PHACTR3: variants seen among roughly 807,000 people sequenced by gnomAD.
PHACTR3 encodes phosphatase and actin regulator 3.
Under a neutral mutation model 66.8 loss-of-function variants are expected in PHACTR3, and 16 were observed. The ratio of observed to expected loss-of-function variants is 0.24; its 90% CI spans 0.16 to 0.36. The LOEUF (loss-of-function observed/expected upper bound fraction) is 0.36. Ranked by LOEUF, PHACTR3 falls within the 10% of genes least tolerant of loss-of-function variation. PHACTR3 has a pLI of 1.00. For missense variants in PHACTR3, 647 were observed against 719.9 expected, an observed-to-expected ratio of 0.90 and a Z score of 1.16; for synonymous variants, 323 against 292.1, an observed-to-expected ratio of 1.11 and a Z score of -1.08.
At chr20:59,578,856 G>A (rs2032788539) in intron 1 of PHACTR3, among the ~76,000 whole-genome samples, 1 of 152,208 alleles carries the variant, frequency 6.6e-6, no homozygotes, top group African/African-American at 2.4e-5. Context: ...GGCAGAAGCT[G>A]AGCTCAGGCA....
intron 1 of PHACTR3, among the ~76,000 whole-genome samples, chr20:59,586,959 A>T (rs1439886379): frequency 6.6e-6 from 1 of 152,140 alleles, no homozygotes; most frequent in Admixed American, 6.5e-5. Flanking sequence ...ACCTGGATTT[A>T]TATTATATCC....
At chr20:59,811,334 G>A (rs996635544) in intron 8 of PHACTR3, among the ~76,000 whole-genome samples, 11 of 152,162 alleles carry the variant, frequency 7.2e-5, no homozygotes, top group African/African-American at 1.7e-4. Context: ...CAGGTGTCTC[G>A]GGCAAAGGAC....
intron 7 of PHACTR3, among the ~76,000 whole-genome samples, chr20:59,780,178 G>C (rs910693429): frequency 1.2e-4 from 19 of 152,176 alleles, no homozygotes; most frequent in African/African-American, 4.3e-4. Flanking sequence ...TGCCTGTGCT[G>C]CTGCTCCTCC....
intron 1 of PHACTR3, among the ~76,000 whole-genome samples, chr20:59,676,187 C>T (rs1187699056): frequency 6.6e-6 from 1 of 152,236 alleles, no homozygotes; most frequent in Non-Finnish European, 1.5e-5. Flanking sequence ...AAGAAAAACT[C>T]CAGTCCCACT....
At chr20:59,761,428 G>C (rs925112024) in intron 4 of PHACTR3, among the ~76,000 whole-genome samples, 1 of 152,132 alleles carries the variant, frequency 6.6e-6, no homozygotes, top group South Asian at 2.1e-4. Flanking sequence ...CTGGGTGTAC[G>C]GGGGTGGAGT....
intron 8 of PHACTR3, among the ~76,000 whole-genome samples, chr20:59,816,233 G>A (rs988057370): frequency 2.6e-5 from 4 of 151,998 alleles, no homozygotes; most frequent in African/African-American, 7.3e-5. Context: ...GCTGAGAATC[G>A]AATGCTGCTG....
intron 8 of PHACTR3, among the ~76,000 whole-genome samples, chr20:59,821,533 G>A (rs2042028330): frequency 6.6e-6 from 1 of 152,164 alleles, no homozygotes; most frequent in South Asian, 2.1e-4. Flanking sequence ...TCCTCATGTG[G>A]CCGTGGTCAG....
intron 6 of PHACTR3, among the ~76,000 whole-genome samples, chr20:59,773,709 A>G (rs2040433402): frequency 6.6e-6 from 1 of 152,234 alleles, no homozygotes; most frequent in Admixed American, 6.5e-5. Context: ...CCTGTGCGTG[A>G]GCCCCTCAGG....
At chr20:59,635,535 G>T (rs1396117804) in intron 1 of PHACTR3, among the ~76,000 whole-genome samples, 2 of 151,938 alleles carry the variant, frequency 1.3e-5, no homozygotes, top group Non-Finnish European at 2.9e-5. Context: ...TGCCCGGCCT[G>T]CTCCTTGCTT....
chr20:59,773,562 C>T (rs1311924533), intron 6 of PHACTR3, 109 bp downstream of exon 6: 2 of 1,144,874 alleles, frequency 1.7e-6, no homozygotes, highest in African/African-American at 3.1e-5. Context: ...GTGTCCCGTT[C>T]TACAGTCACT....
chr20:59,648,189 G>C (rs2035347618), intron 1 of PHACTR3, among the ~76,000 whole-genome samples: 1 of 152,198 alleles, frequency 6.6e-6, no homozygotes, highest in Non-Finnish European at 1.5e-5. Context: ...TAATTATACT[G>C]TTCACCATTG....
intron 8 of PHACTR3, among the ~76,000 whole-genome samples, chr20:59,809,830 T>G (rs2041680896): frequency 6.6e-6 from 1 of 152,188 alleles, no homozygotes; most frequent in Non-Finnish European, 1.5e-5. Context: ...GGCATGGCTG[T>G]GTGTCAATAA....
chr20:59,692,765 C>T (rs1435835416), intron 1 of PHACTR3, among the ~76,000 whole-genome samples: 1 of 152,194 alleles, frequency 6.6e-6, no homozygotes, highest in Non-Finnish European at 1.5e-5. Context: ...AGCTCCATCC[C>T]TTATGACCTT....
chr20:59,838,651 T>A (rs1288571822), intron 9 of PHACTR3, among the ~76,000 whole-genome samples: 1 of 152,216 alleles, frequency 6.6e-6, no homozygotes, highest in Non-Finnish European at 1.5e-5. Flanking sequence ...CAACCCCAGG[T>A]CTGCCTAACT....
At chr20:59,709,425 T>C (rs761688902) in intron 1 of PHACTR3, among the ~76,000 whole-genome samples, 3 of 152,230 alleles carry the variant, frequency 2.0e-5, no homozygotes, top group Non-Finnish European at 4.4e-5. Flanking sequence ...CCTTTGCCAG[T>C]TAAAACCTTT....
chr20:59,808,890 T>C (rs981872759), intron 8 of PHACTR3, among the ~76,000 whole-genome samples: 1 of 152,076 alleles, frequency 6.6e-6, no homozygotes, highest in African/African-American at 2.4e-5. Flanking sequence ...CCCGTGTGTG[T>C]AGTGTGTTAG....
chr20:59,784,720 C>T (rs538773280), intron 7 of PHACTR3, among the ~76,000 whole-genome samples: 1 of 152,312 alleles, frequency 6.6e-6, no homozygotes, highest in Non-Finnish European at 1.5e-5. Context: ...AAGTCACTCA[C>T]CTCCTGGCTA....
chr20:59,774,619 G>C (rs552735229), intron 7 of PHACTR3, 129 bp downstream of exon 7: 19 of 1,271,794 alleles, frequency 1.5e-5, no homozygotes, highest in Middle Eastern at 2.8e-4. Flanking sequence ...AGAAACAAGA[G>C]GGGGGCTGTG....
chr20:59,625,226 T>C (rs1165926050), intron 1 of PHACTR3, among the ~76,000 whole-genome samples: 1 of 152,108 alleles, frequency 6.6e-6, no homozygotes, highest in Non-Finnish European at 1.5e-5. Context: ...GAGATCTCTC[T>C]GGAATCTGAT....
Sources: gnomAD v4.1 joint callset for allele counts (sites outside exome capture counted in the v4.1 genomes callset) on GRCh38, gnomAD v4.1.1 for gene constraint, MANE v1.5 for transcripts, NCBI Gene and HGNC (gene_info 2026-07-23, HGNC 2026-07-21) for gene names.